GLIS3: variants seen among roughly 807,000 people sequenced by gnomAD.
GLIS3 encodes GLIS family zinc finger 3.
Under a neutral mutation model 78.6 loss-of-function variants are expected in GLIS3, and 53 were observed. The observed-to-expected ratio is 0.67, with a 90% CI of 0.54 to 0.85. The LOEUF (loss-of-function observed/expected upper bound fraction) is 0.85, where lower values mean the gene tolerates loss of function less well. GLIS3 is among the 40% of genes least tolerant of loss of function. GLIS3 has a pLI of 0.00. For synonymous variants in GLIS3, 684 were observed against 509.9 expected (o/e 1.34, Z -4.60); for missense variants, 1,703 against 1,231.1 (o/e 1.38, Z -5.74).
intron 2 of GLIS3, among the ~76,000 whole-genome samples, chr9:4,173,966 A>T (rs1816605413): frequency 6.6e-6 from 1 of 152,080 alleles, no homozygotes; most frequent in Middle Eastern, 3.2e-3. Context: ...CTATATAGAA[A>T]AATAACCGAA....
chr9:4,489,408 C>A, the GLIS3 span, among the ~76,000 whole-genome samples: 4 of 152,118 alleles, frequency 2.6e-5, no homozygotes, highest in Admixed American at 2.0e-4. Flanking sequence ...GGGAAATTCT[C>A]CCTACCCACA....
At position 3,879,534 on chromosome 9, in the gene GLIS3, G is replaced by C. The variant is rs772656744; in HGVS notation, c.2190C>G (p.Pro730=). The C allele has an allele frequency of 1.1e-5, 17 of 1,613,962 alleles. No homozygotes were observed. Among genetic ancestry groups the C allele is most frequent in the African/African-American group, 2.7e-5 (2 of 74,902 alleles). ...RSGTAAGAVP[P]PHPVSHPSPG... ...GAGAAGGGTGACTGACAGGATGTGGGGGTGGTACGGCCCCAGCAGCTGTTC... is the reference window on the plus strand; with the variant it reads ...GAGAAGGGTGACTGACAGGATGTGGCGGTGGTACGGCCCCAGCAGCTGTTC... Residue 730 remains proline, a synonymous_variant, in exon 8 of 11, where the codon CCC becomes CCG. Transcript: ENST00000381971.
intron 7 of GLIS3, among the ~76,000 whole-genome samples, chr9:3,893,081 C>T (rs1822570032): frequency 6.6e-6 from 1 of 152,016 alleles, no homozygotes; most frequent in South Asian, 2.1e-4. Context: ...TTTTCCTGAT[C>T]CTCTCCCTCC....
the GLIS3 span, among the ~76,000 whole-genome samples, chr9:4,428,878 C>T: frequency 6.6e-6 from 1 of 152,188 alleles, no homozygotes; most frequent in African/African-American, 2.4e-5. Context: ...AATGGCACCA[C>T]TTCCCATTAA....
intron 1 of GLIS3, among the ~76,000 whole-genome samples, chr9:4,298,685 A>G (rs2130465938): frequency 6.6e-6 from 1 of 152,236 alleles, no homozygotes; most frequent in Non-Finnish European, 1.5e-5. Context: ...CCCCATAAAA[A>G]ATGTAAACGC....
Position 3,879,561 on chromosome 9 carries a change from A to G in GLIS3, c.2163T>C (p.Ser721=), listed in dbSNP as rs1175284004. 6 of 1,614,130 alleles carry G rather than the reference A, an allele frequency of 3.7e-6. No individual in the cohort carries two copies. Among genetic ancestry groups the G allele is most frequent in the Non-Finnish European group, 5.1e-6 (6 of 1,180,006 alleles). The change falls in exon 8 of 11, where the codon AGT becomes AGC. Residue 721 remains serine, a synonymous_variant. Transcript: ENST00000381971. ...GTGGTACGGCCCCAGCAGCTGTTCCACTTCGGCTTGAATAATTGCTGGAGA... is the reference window on the plus strand; with the variant it reads ...GTGGTACGGCCCCAGCAGCTGTTCCGCTTCGGCTTGAATAATTGCTGGAGA... ...PIFSSNYSSR[S]GTAAGAVPPP... is the part of the protein sequence containing the mutation.
At chr9:4,303,937 T>C (rs1817159644), upstream of GLIS3, among the ~76,000 whole-genome samples, 1 of 152,254 alleles carries the variant, frequency 6.6e-6, no homozygotes, top group Non-Finnish European at 1.5e-5. Context: ...TGTTGTAAAA[T>C]TAATTATCTA....
At chr9:4,277,287 G>A (rs1827114612) in intron 2 of GLIS3, among the ~76,000 whole-genome samples, 1 of 152,168 alleles carries the variant, frequency 6.6e-6, no homozygotes, top group Admixed American at 6.6e-5. Flanking sequence ...AATCTATGAT[G>A]TGGCAGTGGA....
chr9:4,257,544 GCT>G (rs1184889919), intron 2 of GLIS3, among the ~76,000 whole-genome samples: 1 of 139,688 alleles, frequency 7.2e-6, no homozygotes, highest in Non-Finnish European at 1.5e-5. Context: ...ATGTTAATTT[GCT>G]TGACAAATTA....
chr9:4,210,571 G>A (rs1048015006), intron 2 of GLIS3, among the ~76,000 whole-genome samples: 1 of 152,124 alleles, frequency 6.6e-6, no homozygotes, highest in Non-Finnish European at 1.5e-5. Flanking sequence ...ATTTTAGTGA[G>A]CTGCCCTGGG....
intron 4 of GLIS3, among the ~76,000 whole-genome samples, chr9:4,014,039 C>T (rs1381735121): frequency 1.3e-5 from 2 of 152,150 alleles, no homozygotes; most frequent in African/African-American, 4.8e-5. Flanking sequence ...AAATGAAAGG[C>T]AGACAAATTG....
intron 1 of GLIS3, among the ~76,000 whole-genome samples, chr9:4,291,202 G>A (rs1388225302): frequency 6.6e-6 from 1 of 152,084 alleles, no homozygotes; most frequent in Non-Finnish European, 1.5e-5. Flanking sequence ...GTGTACAAAT[G>A]TTACTTAAGC....
intron 4 of GLIS3, among the ~76,000 whole-genome samples, chr9:3,966,565 G>C (rs763017758): frequency 9.9e-5 from 15 of 152,042 alleles, no homozygotes; most frequent in Non-Finnish European, 2.2e-4. Flanking sequence ...GGAGGCTGAG[G>C]CAGGCCAATC....
At chr9:4,027,668 G>A (rs1823458863) in intron 4 of GLIS3, among the ~76,000 whole-genome samples, 1 of 152,198 alleles carries the variant, frequency 6.6e-6, no homozygotes, top group Non-Finnish European at 1.5e-5. Flanking sequence ...TTCCTAAACA[G>A]TCTGATAAGC....
intron 4 of GLIS3, among the ~76,000 whole-genome samples, chr9:3,995,359 G>A (rs1820660477): frequency 6.6e-6 from 1 of 152,112 alleles, no homozygotes; most frequent in South Asian, 2.1e-4. Context: ...CTCCATGGAA[G>A]AATGCATCTA....
Position 4,110,100 on chromosome 9 carries a change from T to C in GLIS3, c.1710+7668A>G, listed in dbSNP as rs539170382. Among the ~76,000 whole-genome samples, 155 of 152,320 alleles carry C rather than the reference T, an allele frequency of 1.0e-3. 1 individual carries two copies. Among genetic ancestry groups the C allele is most frequent in the African/African-American group, 3.3e-3 (139 of 41,576 alleles). On this transcript the variant is annotated intron_variant, in intron 4 of 10. Coordinates refer to ENST00000381971, the MANE Select transcript of GLIS3 (RefSeq NM_001042413.2). ...TTATTTCTGTATCCCCCGGGTAAGG[T>C]ATGGTACATGGCTTGCACTCAGTGA... is the stretch of plus-strand genomic sequence containing the variant.
chr9:3,852,246 T>G (rs1481725910), intron 9 of GLIS3, among the ~76,000 whole-genome samples: 1 of 152,238 alleles, frequency 6.6e-6, no homozygotes, highest in Non-Finnish European at 1.5e-5. Flanking sequence ...TTTTATATTC[T>G]TATTTGTCTC....
chr9:3,895,406 A>G (rs4741865), intron 7 of GLIS3, among the ~76,000 whole-genome samples: 24,606 of 152,200 alleles, frequency 0.16, 2,521 homozygotes, highest in Middle Eastern at 0.34. Context: ...TTGTTAGGTT[A>G]CAACACTGCT....
the GLIS3 span, among the ~76,000 whole-genome samples, chr9:4,365,165 G>A: frequency 6.6e-6 from 1 of 152,136 alleles, no homozygotes; most frequent in Non-Finnish European, 1.5e-5. Flanking sequence ...ACTGCGAAGT[G>A]TTATGTGTGG....
Sources: gnomAD v4.1 joint callset for allele counts (sites outside exome capture counted in the v4.1 genomes callset) on GRCh38, gnomAD v4.1.1 for gene constraint, MANE v1.5 for transcripts, NCBI Gene and HGNC (gene_info 2026-07-23, HGNC 2026-07-21) for gene names.